Variants in SCIMP observed in about 807,000 individuals in gnomAD.
SCIMP encodes SLP adaptor and CSK interacting membrane protein.
In SCIMP, 18 loss-of-function variants were observed where a neutral mutation model predicts 22.0. The observed-to-expected ratio is 0.82, with a 90% confidence interval of 0.56 to 1.21. SCIMP has a LOEUF of 1.21. SCIMP is among the 50% of genes most tolerant of loss of function. The probability of loss-of-function intolerance (pLI) is 0.00; values close to 1 mark genes in which losing one functional copy is unlikely to be tolerated. For missense variants in SCIMP, 155 were observed against 171.2 expected (o/e 0.91, Z 0.53); for synonymous variants, 53 against 62.2 (o/e 0.85, Z 0.70).
intron 3 of SCIMP, among the ~76,000 whole-genome samples, chr17:5,219,437 G>C (rs1274914792): frequency 6.6e-6 from 1 of 152,090 alleles, no homozygotes; most frequent in Non-Finnish European, 1.5e-5. Flanking sequence ...GACCAGCCAT[G>C]GCCAACATGG....
chr17:5,234,598 G>A (rs1243377441), intron 1 of SCIMP, 137 bp downstream of exon 1: 9 of 860,912 alleles, frequency 1.0e-5, no homozygotes, highest in South Asian at 6.0e-5. Flanking sequence ...CACAGCAGTC[G>A]TACCAGGGCC....
intron 3 of SCIMP, among the ~76,000 whole-genome samples, chr17:5,217,697 A>C (rs2074575937): frequency 6.6e-6 from 1 of 151,614 alleles, no homozygotes. Context: ...TTTGCTGAGA[A>C]TGATGGTTTC....
chr17:5,210,532 C>G lies in SCIMP; in HGVS notation c.*269G>C. 2.8e-6 allele frequency: 1 copy of G among 353,192 alleles called. No homozygotes were observed. Among genetic ancestry groups the G allele is most frequent in the Non-Finnish European group, 5.1e-6 (1 of 197,234 alleles). 21.9% of individuals were successfully genotyped at this position (353,192 alleles called of 1,614,324 possible). ...GGTGGGAGCCATGGAGCCCCGTGGTCCTTCCCATGGAAAGTTTCCTCAACA... is the reference window on the plus strand; with the variant it reads ...GGTGGGAGCCATGGAGCCCCGTGGTGCTTCCCATGGAAAGTTTCCTCAACA... On this transcript the variant is annotated 3_prime_UTR_variant, in exon 5 of 5. Transcript: ENST00000574081.
chr17:5,210,930 C>A lies in SCIMP; in HGVS notation c.309G>T (p.Pro103=). 6.2e-7 allele frequency: 1 copy of A among 1,612,696 alleles called. No individual in the cohort carries two copies. The highest frequency in any genetic ancestry group is 8.5e-7 in the Non-Finnish European group (1 of 1,179,668). ...TATTTACCAGTGAGTATGTAGCGGG[C>A]GGCTGACTTGGGGCTTCCTGTGGGG... The part of the protein sequence containing the change: ...DSSPQEAPSQ[P]PATYSLVNKV... The change falls in exon 5 of 5, where the codon CCG becomes CCT. Residue 103 remains proline, a synonymous_variant. Transcript: ENST00000574081.
At chr17:5,215,984 G>GTT (rs143737843) in intron 3 of SCIMP, among the ~76,000 whole-genome samples, 1,939 of 151,790 alleles carry the variant, frequency 0.013, 38 homozygotes, top group African/African-American at 0.044. Flanking sequence ...GAGCCCAGGG[G>GTT]TTTAAGGGTA....
chr17:5,226,587 C>T (rs1007196374), intron 1 of SCIMP, among the ~76,000 whole-genome samples: 3 of 150,814 alleles, frequency 2.0e-5, no homozygotes, highest in African/African-American at 7.3e-5. Context: ...CTCACTGCAC[C>T]CTCCACCTCT....
In SCIMP at chr17:5,208,975, T is replaced by C. The variant is rs1224197377; in HGVS notation, c.*1826A>G. 6.6e-6 allele frequency: 1 copy of C among 152,182 alleles called. No homozygotes were observed. The highest frequency in any genetic ancestry group is 6.5e-5 in the Admixed American group (1 of 15,274). 9.4% of individuals were successfully genotyped at this position (152,182 alleles called of 1,614,324 possible). ...ATAGTCATGGAGGGTTTACAGAACA[T>C]TTATAAGACGAAAGCATGTGTTTGA... On this transcript the variant is annotated 3_prime_UTR_variant, in exon 5 of 5. Transcript: ENST00000574081.
Position 5,209,039 on chromosome 17 carries a change from T to A in SCIMP, c.*1762A>T, listed in dbSNP as rs2074508248. The A allele has an allele frequency of 6.6e-6, 1 of 152,250 alleles. No homozygotes were observed. Among genetic ancestry groups the A allele is most frequent in the African/African-American group, 2.4e-5 (1 of 41,464 alleles). The allele number at this position is 152,250 out of a possible 1,614,324, so 9.4% of individuals were successfully genotyped here. A position where few individuals can be genotyped will look rare whatever the true frequency, so the allele number is the denominator to read the frequency against. ...TTTGGCTTATTTTTGTTCTATAATTTGGGAAGAGTCCTCTCTTTGGCTGGT... is the reference window on the plus strand; with the variant it reads ...TTTGGCTTATTTTTGTTCTATAATTAGGGAAGAGTCCTCTCTTTGGCTGGT... On this transcript the variant is annotated 3_prime_UTR_variant, in exon 5 of 5. Coordinates refer to ENST00000574081, the MANE Select transcript of SCIMP (RefSeq NM_207103.3).
intron 1 of SCIMP, among the ~76,000 whole-genome samples, chr17:5,232,871 G>C (rs748936501): frequency 1.3e-5 from 2 of 151,968 alleles, no homozygotes; most frequent in Non-Finnish European, 2.9e-5. Context: ...CACCATACCC[G>C]GCTAATTTTT....
At position 5,210,950 on chromosome 17, in the gene SCIMP, G is replaced by A. The variant is rs1040653784; in HGVS notation, c.289C>T (p.Gln97Ter). The A allele has an allele frequency of 1.2e-6, 2 of 1,610,588 alleles. No homozygotes were observed. Among genetic ancestry groups the A allele is most frequent in the Non-Finnish European group, 1.7e-6 (2 of 1,179,128 alleles). ...NWPSLEDSSP[Q>*]EAPSQPPATY... Reference sequence around the variant, plus strand: ...GCGGGCGGCTGACTTGGGGCTTCCTGTGGGGCTAGAATACACAAAAAGCTC... The same window carrying A: ...GCGGGCGGCTGACTTGGGGCTTCCTATGGGGCTAGAATACACAAAAAGCTC... The change falls in exon 5 of 5, where the codon CAG (glutamine) becomes TAG (stop). Residue 97 changes from glutamine (Q) to a stop codon, truncating the protein, a stop_gained. Coordinates refer to ENST00000574081, the MANE Select transcript of SCIMP (RefSeq NM_207103.3). LOFTEE classifies it high-confidence loss of function.
At chr17:5,226,241 A>G (rs995048615) in intron 1 of SCIMP, among the ~76,000 whole-genome samples, 3 of 152,138 alleles carry the variant, frequency 2.0e-5, no homozygotes, top group Non-Finnish European at 4.4e-5. Flanking sequence ...TTTTTGCACT[A>G]CGTACATTTA....
chr17:5,234,398 G>A (rs1418660880), intron 1 of SCIMP, among the ~76,000 whole-genome samples: 1 of 151,106 alleles, frequency 6.6e-6, no homozygotes, highest in Non-Finnish European at 1.5e-5. Flanking sequence ...TCCAGAAAGT[G>A]AGAGTAACTC....
rs2074516239 is a variant in SCIMP, at chr17:5,210,153, A to C, written c.*648T>G. On this transcript the variant is annotated 3_prime_UTR_variant, in exon 5 of 5. Coordinates refer to ENST00000574081, the MANE Select transcript of SCIMP (RefSeq NM_207103.3). The stretch of plus-strand genomic sequence containing the variant: ...GGGGAGAAAACCTAGGTGAAAACTC[A>C]AATCTCTATGGTCAATTTGGCCTAC... The C allele has an allele frequency of 6.6e-6, 1 of 152,116 alleles. No homozygotes were observed. The highest frequency in any genetic ancestry group is 1.5e-5 in the Non-Finnish European group (1 of 68,044). The allele number at this position is 152,116 out of a possible 1,614,324, so 9.4% of individuals were successfully genotyped here.
At chr17:5,225,125 G>A (rs1175624475) in intron 1 of SCIMP, among the ~76,000 whole-genome samples, 1 of 152,194 alleles carries the variant, frequency 6.6e-6, no homozygotes, top group Non-Finnish European at 1.5e-5. Context: ...TGCTACCTAG[G>A]TTATGCTGTG....
At chr17:5,221,135 T>G in intron 3 of SCIMP, 152 bp downstream of exon 3, 1 of 721,920 alleles carries the variant, frequency 1.4e-6, no homozygotes, top group Non-Finnish European at 2.6e-6. Flanking sequence ...GTCTCTGCCC[T>G]TATGTGGAGA....
intron 1 of SCIMP, among the ~76,000 whole-genome samples, chr17:5,234,255 G>T (rs1453166696): frequency 6.6e-6 from 1 of 152,078 alleles, no homozygotes; most frequent in Non-Finnish European, 1.5e-5. Flanking sequence ...TGGGCGACAA[G>T]AGCGAAACTC....
chr17:5,229,833 T>C (rs61182333), intron 1 of SCIMP, among the ~76,000 whole-genome samples: 113,424 of 135,482 alleles, frequency 0.84, 47,741 homozygotes, highest in South Asian at 0.95. Flanking sequence ...CCCCTCCCCT[T>C]CCCCCATCTC....
chr17:5,232,851 C>T (rs1463059560), intron 1 of SCIMP, among the ~76,000 whole-genome samples: 3 of 152,000 alleles, frequency 2.0e-5, no homozygotes, highest in South Asian at 2.1e-4. Context: ...CTGGGATTAC[C>T]GACACGCACC....
chr17:5,219,739 G>A (rs1030256726), intron 3 of SCIMP, among the ~76,000 whole-genome samples: 1 of 152,150 alleles, frequency 6.6e-6, no homozygotes, highest in African/African-American at 2.4e-5. Flanking sequence ...TTTGCCTGGG[G>A]CCCTGGGCCA....
Sources: gnomAD v4.1 joint callset for allele counts (sites outside exome capture counted in the v4.1 genomes callset) on GRCh38, gnomAD v4.1.1 for gene constraint, MANE v1.5 for transcripts, NCBI Gene and HGNC (gene_info 2026-07-23, HGNC 2026-07-21) for gene names.